The following ATG7 variants were observed in gnomAD, a reference collection of about 807,000 sequenced individuals.
ATG7 encodes autophagy related 7, also known as ubiquitin-like modifier-activating enzyme ATG7.
In ATG7, 70 loss-of-function variants were observed where a neutral mutation model predicts 82.4. The observed-to-expected ratio is 0.85, with a 90% CI of 0.70 to 1.04. The LOEUF (loss-of-function observed/expected upper bound fraction) is 1.04, where lower values mean the gene tolerates loss of function less well. Ranked by LOEUF, ATG7 falls within the 50% of genes least tolerant of loss-of-function variation. ATG7 has a pLI of 0.00. For synonymous variants in ATG7, 287 were observed against 313.0 expected (o/e 0.92, Z 0.88); for missense variants, 792 against 864.3 (o/e 0.92, Z 1.05).
At chr3:11,466,695 G>C (rs2086858969) in intron 20 of ATG7, among the ~76,000 whole-genome samples, 1 of 152,190 alleles carries the variant, frequency 6.6e-6, no homozygotes, top group African/African-American at 2.4e-5. Context: ...TTGTATGAAG[G>C]ATTATAGCAC....
chr3:11,331,473 G>A (rs1951639036), intron 10 of ATG7, 45 bp downstream of exon 10: 1 of 1,431,684 alleles, frequency 7.0e-7, no homozygotes, highest in African/African-American at 1.4e-5. Flanking sequence ...GCCTTTGCCA[G>A]TATATGTTTT....
chr3:11,467,713 AC>A (rs1426641032), intron 20 of ATG7, among the ~76,000 whole-genome samples: 3 of 151,896 alleles, frequency 2.0e-5, no homozygotes, highest in African/African-American at 7.3e-5. Context: ...CCTATGTGGG[AC>A]TTATCACCGT....
chr3:11,502,962 G>A (rs2091449778), intron 20 of ATG7, among the ~76,000 whole-genome samples: 3 of 152,144 alleles, frequency 2.0e-5, no homozygotes, highest in Admixed American at 6.5e-5. Flanking sequence ...GGATACACCA[G>A]CCAGAGTTGA....
intron 19 of ATG7, among the ~76,000 whole-genome samples, chr3:11,397,801 G>A (rs2079447833): frequency 6.8e-6 from 1 of 147,728 alleles, no homozygotes. Flanking sequence ...TTAATGAATC[G>A]GCTGGGCGCG....
intron 20 of ATG7, among the ~76,000 whole-genome samples, chr3:11,500,818 A>G (rs867003872): frequency 7.4e-4 from 112 of 152,268 alleles, no homozygotes; most frequent in African/African-American, 2.6e-3. Context: ...TTTACTAGAG[A>G]CGGGGTTTCA....
chr3:11,370,944 A>G (rs758092082), intron 18 of ATG7, among the ~76,000 whole-genome samples: 3 of 151,058 alleles, frequency 2.0e-5, no homozygotes, highest in Non-Finnish European at 4.4e-5. Context: ...CAGAAAGAAC[A>G]AAATTCAGAT....
intron 10 of ATG7, among the ~76,000 whole-genome samples, chr3:11,332,119 G>A (rs1951739862): frequency 6.6e-6 from 1 of 152,102 alleles, no homozygotes; most frequent in South Asian, 2.1e-4. Context: ...ACCAAAAGCT[G>A]GGAATAGTTC....
At chr3:11,289,801 C>G (rs1280973386) in intron 3 of ATG7, among the ~76,000 whole-genome samples, 1 of 152,174 alleles carries the variant, frequency 6.6e-6, no homozygotes, top group East Asian at 1.9e-4. Flanking sequence ...CTCAAGCGAT[C>G]CTCCTGCCTC....
chr3:11,535,239 C>T (rs1054833876), intron 20 of ATG7, among the ~76,000 whole-genome samples: 7 of 152,212 alleles, frequency 4.6e-5, no homozygotes, highest in Admixed American at 2.0e-4. Flanking sequence ...TCAGGCCAGT[C>T]TTTGCACCCC....
rs558373284 is a variant in ATG7, at chr3:11,396,047, A to G, written c.1956+15995A>G. Among the ~76,000 whole-genome samples, 12 of 151,930 alleles carry G rather than the reference A, an allele frequency of 7.9e-5. No individual in the cohort carries two copies. The South Asian group carries it at 2.1e-3, about 26-fold the overall frequency. On this transcript the variant is annotated intron_variant, in intron 19 of 20. Transcript: ENST00000693202. Reference sequence around the variant, plus strand: ...CAGAGTCCACCACTAGCATGTTTACACAAAAGGACTTTTATTGGGTCTTCT... The same window carrying G: ...CAGAGTCCACCACTAGCATGTTTACGCAAAAGGACTTTTATTGGGTCTTCT...
At chr3:11,568,707 G>T in the ATG7 span, 9 of 1,548,806 alleles carry the variant, frequency 5.8e-6, no homozygotes, top group African/African-American at 1.4e-5. This position sits in a 1 kb window ranked among gnomAD's most constrained non-coding sequence, Gnocchi z 5.9. Flanking sequence ...CTTCCCAGGC[G>T]TCATGTGCTC....
chr3:11,486,764 T>C (rs1355528524), intron 20 of ATG7, among the ~76,000 whole-genome samples: 1 of 152,138 alleles, frequency 6.6e-6, no homozygotes, highest in African/African-American at 2.4e-5. Context: ...TTGAATTTTG[T>C]CAAAGGCCTT....
intron 20 of ATG7, among the ~76,000 whole-genome samples, chr3:11,467,947 A>G (rs1277858939): frequency 2.0e-5 from 3 of 152,196 alleles, no homozygotes; most frequent in East Asian, 1.9e-4. Context: ...GGCTAAATTT[A>G]TATACAGTAG....
chr3:11,410,772 A>G (rs764219755), intron 19 of ATG7, among the ~76,000 whole-genome samples: 7 of 152,192 alleles, frequency 4.6e-5, no homozygotes, highest in Non-Finnish European at 1.0e-4. Context: ...ATTTCATTGT[A>G]TGTAGCATAT....
rs112015288 is a variant in ATG7 at position 11,497,154 on chromosome 3, A to G, written c.2080-57657A>G. 2.2e-3 allele frequency among the ~76,000 whole-genome samples: 326 copies of G among 151,548 alleles called. 1 individual carries two copies. Among genetic ancestry groups the G allele is most frequent in the African/African-American group, 7.5e-3 (310 of 41,308 alleles). ...GAGTGAGCCCCCACGCCCAGCCCCT[A>G]ATGTCATTTCTGATGAAACCTTTAT... is the stretch of plus-strand genomic sequence containing the variant. On this transcript the variant is annotated intron_variant, in intron 20 of 20. Transcript: ENST00000693202.
At chr3:11,396,321 T>A (rs1403639077) in intron 19 of ATG7, among the ~76,000 whole-genome samples, 1 of 151,894 alleles carries the variant, frequency 6.6e-6, no homozygotes, top group Non-Finnish European at 1.5e-5. Context: ...TGCCTGTAGT[T>A]CCAGCTACTT....
At chr3:11,558,343 G>C (rs2072627019), downstream of ATG7, 1 of 726,328 alleles carries the variant, frequency 1.4e-6, no homozygotes, top group Admixed American at 2.9e-5. Context: ...TGTTCCACGC[G>C]TAGTTCCTGC....
chr3:11,303,530 G>A (rs1420288342), intron 5 of ATG7, among the ~76,000 whole-genome samples: 3 of 151,660 alleles, frequency 2.0e-5, no homozygotes, highest in African/African-American at 4.8e-5. Flanking sequence ...TTAGCCGGGC[G>A]TGGTGCCGGC....
intron 14 of ATG7, chr3:11,348,573 G>C (rs543234689): frequency 6.6e-6 from 1 of 152,532 alleles, no homozygotes; most frequent in African/African-American, 2.4e-5. Context: ...ATGAAGCCAC[G>C]GACGTTCGCA....
Sources: allele counts gnomAD v4.1 joint callset (sites outside exome capture counted in the v4.1 genomes callset), GRCh38; gene constraint gnomAD v4.1.1; non-coding constraint Gnocchi (gnomAD v3.1); transcripts MANE v1.5; gene names NCBI Gene and HGNC (gene_info 2026-07-23, HGNC 2026-07-21).